Variants in COL25A1 observed in about 807,000 individuals in gnomAD.
The protein encoded by COL25A1 is collagen alpha-1(XXV) chain.
In COL25A1, 103 loss-of-function variants were observed where a neutral mutation model predicts 128.4. The observed-to-expected ratio is 0.80, with a 90% CI of 0.68 to 0.94. The LOEUF (loss-of-function observed/expected upper bound fraction) is 0.94. Ranked by LOEUF, COL25A1 falls within the 40% of genes least tolerant of loss-of-function variation. The pLI, the probability that COL25A1 is intolerant of heterozygous loss-of-function variation, is 0.00. For missense variants in COL25A1, 745 were observed against 840.0 expected (o/e 0.89, Z 1.40); for synonymous variants, 279 against 277.2 (o/e 1.01, Z -0.06).
At chr4:108,904,007 T>C (rs1743159345) in intron 13 of COL25A1, among the ~76,000 whole-genome samples, 1 of 152,088 alleles carries the variant, frequency 6.6e-6, no homozygotes, top group Non-Finnish European at 1.5e-5. Context: ...TTTACCCTTA[T>C]AATAGTTACG....
intron 3 of COL25A1, among the ~76,000 whole-genome samples, chr4:109,122,187 TAC>T (rs1296125069): frequency 2.6e-5 from 4 of 152,204 alleles, no homozygotes; most frequent in Non-Finnish European, 5.9e-5. Flanking sequence ...TGTAGGATAC[TAC>T]AGTGTTGGCT....
rs1033017827 is a variant in COL25A1, at chr4:108,840,373, C to G, written c.1656+1322G>C. Among the ~76,000 whole-genome samples, 9 of 152,086 alleles carry G rather than the reference C, an allele frequency of 5.9e-5. No individual in the cohort carries two copies. The South Asian group carries it at 6.2e-4, about 11-fold the overall frequency. On this transcript the variant is annotated intron_variant, in intron 31 of 37. Transcript: ENST00000399132. The stretch of plus-strand genomic sequence containing the variant: ...GATGGGGCTCTCTCTTCTGACCCCC[C>G]CTCCCAGATAGTACTCTTACCCCAA...
At position 109,124,842 on chromosome 4, in the gene COL25A1, T is replaced by C. The variant is rs183833272; in HGVS notation, c.368-74663A>G. Among the ~76,000 whole-genome samples the C allele has an allele frequency of 2.9e-3, 434 of 152,094 alleles. 3 individuals carry two copies. The highest frequency in any genetic ancestry group is 9.9e-3 in the African/African-American group (412 of 41,532). On this transcript the variant is annotated intron_variant, in intron 3 of 37. Coordinates refer to ENST00000399132, the MANE Select transcript of COL25A1 (RefSeq NM_198721.4). Reference sequence around the variant, plus strand: ...TTTCTTCTTTGGGTAGAAAAACATATAGCAAGATATAAAAATATATGTATA... The same window carrying C: ...TTTCTTCTTTGGGTAGAAAAACATACAGCAAGATATAAAAATATATGTATA...
In COL25A1 at chr4:109,050,915, C is replaced by T. The variant is rs1293832772; in HGVS notation, c.368-736G>A. Among the ~76,000 whole-genome samples the T allele has an allele frequency of 6.0e-5, 9 of 149,008 alleles. No individual in the cohort carries two copies. The East Asian group carries it at 1.6e-3, about 26-fold the overall frequency. ...TTTTTTGGTAAGTTACCGGTAAAGA[C>T]CACCAAGCTAGTATGTATCAGACTT... is the stretch of plus-strand genomic sequence containing the variant. On this transcript the variant is annotated intron_variant, in intron 3 of 37. Transcript: ENST00000399132.
intron 3 of COL25A1, among the ~76,000 whole-genome samples, chr4:109,157,746 T>A (rs1168623016): frequency 2.0e-5 from 3 of 152,216 alleles, no homozygotes; most frequent in Admixed American, 2.0e-4. Flanking sequence ...AAGACCACCA[T>A]CTATATATAA....
intron 3 of COL25A1, among the ~76,000 whole-genome samples, chr4:109,247,972 G>A (rs1780387252): frequency 6.6e-6 from 1 of 152,134 alleles, no homozygotes; most frequent in Non-Finnish European, 1.5e-5. Flanking sequence ...GGGAAAGTAA[G>A]TTCACGGAAG....
At chr4:109,091,544 A>G (rs1764910999) in intron 3 of COL25A1, among the ~76,000 whole-genome samples, 2 of 152,154 alleles carry the variant, frequency 1.3e-5, no homozygotes, top group African/African-American at 4.8e-5. Context: ...TATCTAGCCT[A>G]TACTTTTATA....
chr4:109,250,027 G>T (rs1780542898), intron 3 of COL25A1, among the ~76,000 whole-genome samples: 1 of 152,068 alleles, frequency 6.6e-6, no homozygotes, highest in African/African-American at 2.4e-5. Context: ...AGAGGAGATG[G>T]GCAACCAGTA....
intron 3 of COL25A1, among the ~76,000 whole-genome samples, chr4:109,163,823 G>A (rs1440912822): frequency 6.6e-6 from 1 of 152,138 alleles, no homozygotes; most frequent in East Asian, 1.9e-4. Context: ...GCACCAAAGA[G>A]TCATTTTTAT....
intron 6 of COL25A1, among the ~76,000 whole-genome samples, chr4:108,993,260 C>T (rs1426811529): frequency 2.0e-5 from 3 of 152,210 alleles, no homozygotes; most frequent in African/African-American, 7.2e-5. Context: ...TTTGATTCCA[C>T]ATACGCATGA....
intron 6 of COL25A1, among the ~76,000 whole-genome samples, chr4:108,990,376 A>G (rs13139712): frequency 6.7e-6 from 1 of 149,440 alleles, no homozygotes; most frequent in East Asian, 1.9e-4. Flanking sequence ...AATATTTCAA[A>G]GTGAATTAAT....
intron 13 of COL25A1, among the ~76,000 whole-genome samples, chr4:108,911,806 T>TG (rs1482231633): frequency 1.3e-5 from 2 of 150,946 alleles, no homozygotes; most frequent in East Asian, 3.9e-4. Context: ...TTCGCTGTTT[T>TG]TTTTTTTTTT....
chr4:109,125,022 C>A (rs1403092653), intron 3 of COL25A1, among the ~76,000 whole-genome samples: 1 of 151,964 alleles, frequency 6.6e-6, no homozygotes, highest in Non-Finnish European at 1.5e-5. Context: ...GCAAAACCCC[C>A]CCACACTTTT....
At chr4:109,091,508 C>T (rs1431667057) in intron 3 of COL25A1, among the ~76,000 whole-genome samples, 1 of 152,136 alleles carries the variant, frequency 6.6e-6, no homozygotes, top group African/African-American at 2.4e-5. Flanking sequence ...TCATCCAAAT[C>T]GTCTCTGTGT....
At chr4:109,073,947 C>T (rs1763188397) in intron 3 of COL25A1, among the ~76,000 whole-genome samples, 1 of 152,170 alleles carries the variant, frequency 6.6e-6, no homozygotes, top group Admixed American at 6.5e-5. Context: ...ATTCAACCCA[C>T]AAAAAGATGT....
chr4:108,879,373 C>A lies in COL25A1; in HGVS notation c.1020+4805G>T, dbSNP rs549939575. ...TATGTTTTTTACTGTATTACACCTCCCTTGCTCCATGTTTTTTTTTCCCCC... is the reference window on the plus strand; with the variant it reads ...TATGTTTTTTACTGTATTACACCTCACTTGCTCCATGTTTTTTTTTCCCCC... On this transcript the variant is annotated intron_variant, in intron 19 of 37. Coordinates refer to ENST00000399132, the MANE Select transcript of COL25A1 (RefSeq NM_198721.4). 1.4e-4 allele frequency among the ~76,000 whole-genome samples: 19 copies of A among 131,808 alleles called. No homozygotes were observed. In the South Asian group the frequency reaches 6.0e-3, roughly 42 times the overall value. 86.5% of individuals were successfully genotyped at this position (131,808 alleles called of 152,430 possible).
chr4:109,013,709 G>A (rs963294042), intron 5 of COL25A1, among the ~76,000 whole-genome samples: 1 of 151,388 alleles, frequency 6.6e-6, no homozygotes, highest in Non-Finnish European at 1.5e-5. Flanking sequence ...ACACTCACCG[G>A]GAAGGTCTGC....
chr4:109,254,618 T>A (rs1224938313), intron 3 of COL25A1, among the ~76,000 whole-genome samples: 4 of 151,048 alleles, frequency 2.6e-5, no homozygotes, highest in Admixed American at 6.6e-5. Flanking sequence ...ACAGGAATGA[T>A]GATGTACTCA....
intron 3 of COL25A1, among the ~76,000 whole-genome samples, chr4:109,122,377 C>T (rs1768181652): frequency 6.6e-6 from 1 of 151,954 alleles, no homozygotes; most frequent in Non-Finnish European, 1.5e-5. Context: ...TGGGCAGGTA[C>T]ATGGGAATTC....
Sources: allele counts gnomAD v4.1 joint callset (sites outside exome capture counted in the v4.1 genomes callset), GRCh38; gene constraint gnomAD v4.1.1; transcripts MANE v1.5; gene names NCBI Gene and HGNC (gene_info 2026-07-23, HGNC 2026-07-21).